PTPRB: variants seen among roughly 807,000 people sequenced by gnomAD.
PTPRB encodes the protein receptor-type tyrosine-protein phosphatase beta.
PTPRB carries 97 observed loss-of-function variants against 238.1 expected under a neutral mutation model. The ratio of observed to expected loss-of-function variants is 0.41; its 90% CI spans 0.35 to 0.48. The LOEUF (loss-of-function observed/expected upper bound fraction) is 0.48. Among genes scored for constraint, PTPRB ranks in the 20% least tolerant of loss-of-function variants. The pLI, the probability that PTPRB is intolerant of heterozygous loss-of-function variation, is 0.30. For synonymous variants in PTPRB, 970 were observed against 995.4 expected (o/e 0.97, Z 0.48); for missense variants, 2,292 against 2,681.9 (o/e 0.85, Z 3.21).
Position 70,538,906 on chromosome 12 carries a change from T to C in PTPRB, c.5869+18A>G. 1 of 1,596,614 alleles carries C rather than the reference T, an allele frequency of 6.3e-7. No homozygotes were observed. Among genetic ancestry groups the C allele is most frequent in the Non-Finnish European group, 8.6e-7 (1 of 1,166,502 alleles). ...GGCTAGAGGAAGACAGTATTACAAA[T>C]TTTGACACAAAACTTACAGGGCAAT... On this transcript the variant is annotated intron_variant, in intron 27 of 33. Transcript: ENST00000334414.
chr12:70,636,428 A>G (rs1299149967), intron 1 of PTPRB, among the ~76,000 whole-genome samples: 3 of 152,268 alleles, frequency 2.0e-5, no homozygotes, highest in Non-Finnish European at 4.4e-5. Context: ...TGCTGAAGTT[A>G]TGAAATGCTC....
At chr12:70,624,243 ATATACT>A (rs1286862779) in intron 2 of PTPRB, among the ~76,000 whole-genome samples, 33 of 152,206 alleles carry the variant, frequency 2.2e-4, no homozygotes, top group Admixed American at 1.7e-3. Flanking sequence ...TGTATTAGTA[ATATACT>A]TATACTAAAG....
chr12:70,522,804 C>A (rs1447984923), intron 33 of PTPRB, among the ~76,000 whole-genome samples: 2 of 149,008 alleles, frequency 1.3e-5, no homozygotes, highest in Non-Finnish European at 3.0e-5. Flanking sequence ...TTACATCCTG[C>A]TTTTCTTTAT....
At chr12:70,544,023 GA>G (rs1408017444) in intron 22 of PTPRB, among the ~76,000 whole-genome samples, 3 of 152,156 alleles carry the variant, frequency 2.0e-5, no homozygotes, top group African/African-American at 7.2e-5. Context: ...TAACACACTA[GA>G]GAAGTCTCTT....
chr12:70,563,628 T>C (rs1468829760), intron 15 of PTPRB, among the ~76,000 whole-genome samples: 2 of 152,218 alleles, frequency 1.3e-5, no homozygotes, highest in African/African-American at 2.4e-5. Context: ...CAGATCTTTT[T>C]ATGTCCAGCT....
At position 70,581,094 on chromosome 12, in the gene PTPRB, C is replaced by T; in HGVS notation, c.2520G>A (p.Val840=). The change falls in exon 10 of 34, where the codon GTG becomes GTA. Residue 840 remains valine (V), a synonymous_variant. Transcript: ENST00000334414. ...AGATCCCTCCACTCACTGTTGTTACCACCACGGAGTACAGGCTGCCGGACT... is the reference window on the plus strand; with the variant it reads ...AGATCCCTCCACTCACTGTTGTTACTACCACGGAGTACAGGCTGCCGGACT... ...SLKSGSLYSV[V]VTTVSGGISS... The T allele has an allele frequency of 6.2e-7, 1 of 1,613,992 alleles. No homozygotes were observed. The highest frequency in any genetic ancestry group is 8.5e-7 in the Non-Finnish European group (1 of 1,179,888).
At chr12:70,537,341 G>T (rs1001508833) in intron 28 of PTPRB, among the ~76,000 whole-genome samples, 11 of 149,068 alleles carry the variant, frequency 7.4e-5, no homozygotes, top group Admixed American at 2.0e-4. Flanking sequence ...CCCTGCCTCA[G>T]CCCTGATGGA....
chr12:70,573,201 T>C (rs1309347671), intron 11 of PTPRB, among the ~76,000 whole-genome samples: 1 of 152,186 alleles, frequency 6.6e-6, no homozygotes, highest in African/African-American at 2.4e-5. Context: ...CCTTTTTAAA[T>C]AATGTTAAAA....
chr12:70,559,554 C>T lies in PTPRB; in HGVS notation c.4503G>A (p.Gly1501=). The change falls in exon 18 of 34, where the codon GGG becomes GGA. Residue 1501 remains glycine, a synonymous_variant. Coordinates refer to ENST00000334414, the MANE Select transcript of PTPRB (RefSeq NM_001109754.4). ...CGTTGTAGTCTGTCCAGTCTGGGGG[C>T]CCTTTCCACGTGATGGCCAAGGATG... is the stretch of plus-strand genomic sequence containing the variant. ...ANTSLAITWK[G]PPDWTDYNDF... is the part of the protein sequence containing the mutation. 1.9e-6 allele frequency: 3 copies of T among 1,613,770 alleles called. No homozygotes were observed. Among genetic ancestry groups the T allele is most frequent in the Non-Finnish European group, 2.5e-6 (3 of 1,179,700 alleles).
chr12:70,624,602 G>A (rs781449112), intron 2 of PTPRB, among the ~76,000 whole-genome samples: 2 of 152,132 alleles, frequency 1.3e-5, no homozygotes, highest in Non-Finnish European at 2.9e-5. Flanking sequence ...TTAAGTAGAC[G>A]TTTGTCTATT....
intron 6 of PTPRB, among the ~76,000 whole-genome samples, chr12:70,593,099 T>C (rs551047206): frequency 6.6e-6 from 1 of 152,370 alleles, no homozygotes; most frequent in Admixed American, 6.5e-5. Flanking sequence ...CTTTAATTTT[T>C]ATATTAAATC....
At chr12:70,530,567 AATATG>A (rs1280328716) in intron 32 of PTPRB, among the ~76,000 whole-genome samples, 1 of 152,196 alleles carries the variant, frequency 6.6e-6, no homozygotes, top group Non-Finnish European at 1.5e-5. Context: ...AGGATGAGAT[AATATG>A]ATAAGTGGGA....
chr12:70,520,789 C>G lies in PTPRB; in HGVS notation c.*700G>C, dbSNP rs1026716806. On this transcript the variant is annotated 3_prime_UTR_variant, in exon 34 of 34. Transcript: ENST00000334414. ...GTTTGGAATCATTCTCTATCAGAAC[C>G]CTCAACCCTGCATCCTACCATCCTG... is the stretch of plus-strand genomic sequence containing the variant. 1 of 152,600 alleles carries G rather than the reference C, an allele frequency of 6.6e-6. No individual in the cohort carries two copies. The highest frequency in any genetic ancestry group is 2.4e-5 in the African/African-American group (1 of 41,436). 9.5% of individuals were successfully genotyped at this position (152,600 alleles called of 1,614,324 possible).
rs769302740 is a variant in PTPRB, at chr12:70,596,332, A to C, written c.980-5T>G. Reference sequence around the variant, plus strand: ...ACCTAGCAGGAGGTAAAGGATCTGCAAGGCAAATACACACACACACACAAA... The same window carrying C: ...ACCTAGCAGGAGGTAAAGGATCTGCCAGGCAAATACACACACACACACAAA... On this transcript the variant is annotated splice_polypyrimidine_tract_variant and splice_region_variant and intron_variant, in intron 4 of 33. Transcript: ENST00000334414. 4.7e-6 allele frequency: 7 copies of C among 1,502,670 alleles called. No individual in the cohort carries two copies. The Admixed American group carries it at 1.6e-4, about 34-fold the overall frequency. The allele number at this position is 1,502,670 out of a possible 1,614,324, so 93.1% of individuals were successfully genotyped here.
chr12:70,541,717 G>C (rs927574108), intron 22 of PTPRB: 2 of 152,298 alleles, frequency 1.3e-5, no homozygotes, highest in East Asian at 3.9e-4. Context: ...TCATAAATCT[G>C]TGATCTTTTG....
At chr12:70,608,666 G>A (rs1592585364) in intron 4 of PTPRB, 1 of 168,108 alleles carries the variant, frequency 5.9e-6, no homozygotes, top group Admixed American at 5.8e-5. Flanking sequence ...ACTAAGTTGA[G>A]GAAAGGCATA....
chr12:70,609,737 C>T (rs781130500), intron 3 of PTPRB: 1 of 1,550,790 alleles, frequency 6.4e-7, no homozygotes, highest in Admixed American at 1.9e-5. Context: ...CGCATCAGCT[C>T]TGACCCCTTC....
At position 70,635,233 on chromosome 12, in the gene PTPRB, T is replaced by A. The variant is rs183504932; in HGVS notation, c.451+438A>T. Among the ~76,000 whole-genome samples, 4 of 152,354 alleles carry A rather than the reference T, an allele frequency of 2.6e-5. No homozygotes were observed. The East Asian group carries it at 5.8e-4, about 22-fold the overall frequency. On this transcript the variant is annotated intron_variant, in intron 2 of 33. Transcript: ENST00000334414. ...CCAGTCTTATCAAGCACCATTCTGA[T>A]GTTCTAATAATTTATTATAATTAGC... is the stretch of plus-strand genomic sequence containing the variant.
intron 21 of PTPRB, among the ~76,000 whole-genome samples, chr12:70,548,840 A>T (rs1173790911): frequency 1.3e-5 from 2 of 152,206 alleles, no homozygotes; most frequent in Non-Finnish European, 2.9e-5. Context: ...TTGTGTATTT[A>T]AACCTCCACG....
Sources: gnomAD v4.1 joint callset for allele counts (sites outside exome capture counted in the v4.1 genomes callset) on GRCh38, gnomAD v4.1.1 for gene constraint, MANE v1.5 for transcripts, NCBI Gene and HGNC (gene_info 2026-07-23, HGNC 2026-07-21) for gene names.